KCNMA1: variants seen among roughly 807,000 people sequenced by gnomAD.
The protein encoded by KCNMA1 is Calcium-activated potassium channel subunit alpha-1.
KCNMA1 carries 29 observed loss-of-function variants against 140.0 expected under a neutral mutation model. The observed-to-expected ratio is 0.21, with a 90% CI of 0.15 to 0.28. The LOEUF (loss-of-function observed/expected upper bound fraction) is 0.28, where lower values mean the gene tolerates loss of function less well. Ranked by LOEUF, KCNMA1 falls within the 10% of genes least tolerant of loss-of-function variation. The pLI is 1.00. For synonymous variants in KCNMA1, 612 were observed against 611.9 expected, an observed-to-expected ratio of 1.00 and a Z score of 0.00; for missense variants, 880 against 1,602.2, an observed-to-expected ratio of 0.55 and a Z score of 7.70.
At chr10:77,109,927 G>A (rs2097283061) in intron 8 of KCNMA1, among the ~76,000 whole-genome samples, 1 of 152,150 alleles carries the variant, frequency 6.6e-6, no homozygotes, top group East Asian at 1.9e-4. Context: ...AAGACAATTA[G>A]GTTTGCTCCT....
intron 1 of KCNMA1, among the ~76,000 whole-genome samples, chr10:77,510,294 A>G (rs564536285): frequency 2.6e-4 from 39 of 152,100 alleles, no homozygotes; most frequent in Non-Finnish European, 3.7e-4. Flanking sequence ...ACAAATAAGG[A>G]TCCCTATTCA....
chr10:77,432,099 C>G (rs1436823410), intron 1 of KCNMA1, among the ~76,000 whole-genome samples: 1 of 152,196 alleles, frequency 6.6e-6, no homozygotes, highest in Non-Finnish European at 1.5e-5. Context: ...TCCAGGCTCC[C>G]AGAGCCACAG....
chr10:77,197,827 G>C (rs1055278468), intron 3 of KCNMA1, among the ~76,000 whole-genome samples: 2 of 152,136 alleles, frequency 1.3e-5, no homozygotes, highest in Non-Finnish European at 2.9e-5. Context: ...GCGGCTCCTG[G>C]GTAAGAGTCG....
intron 1 of KCNMA1, among the ~76,000 whole-genome samples, chr10:77,580,921 A>G (rs548129093): frequency 6.6e-6 from 1 of 152,346 alleles, no homozygotes; most frequent in Non-Finnish European, 1.5e-5. Context: ...CTTCACAACA[A>G]GCCTATGGGA....
chr10:77,121,997 AGCACCGCCACGTGCCAAAG>A (rs2097611674), intron 5 of KCNMA1, among the ~76,000 whole-genome samples: 1 of 152,240 alleles, frequency 6.6e-6, no homozygotes, highest in Non-Finnish European at 1.5e-5. Context: ...CATTTTATTA[AGCACCGCCACGTGCCAAAG>A]GCAGTGCGAA....
intron 5 of KCNMA1, among the ~76,000 whole-genome samples, chr10:77,144,184 G>T (rs2098242515): frequency 6.6e-6 from 1 of 152,044 alleles, no homozygotes; most frequent in Admixed American, 6.5e-5. Context: ...CCATCAACAG[G>T]GTGGTTTGAT....
chr10:77,177,795 C>T (rs1301534284), intron 5 of KCNMA1, among the ~76,000 whole-genome samples: 1 of 152,172 alleles, frequency 6.6e-6, no homozygotes, highest in Non-Finnish European at 1.5e-5. Context: ...ATGGCCTTTA[C>T]AGCCTGTACC....
intron 1 of KCNMA1, among the ~76,000 whole-genome samples, chr10:77,421,056 G>T (rs1020237698): frequency 6.6e-6 from 1 of 152,222 alleles, no homozygotes; most frequent in African/African-American, 2.4e-5. Context: ...CGTCGAAGAT[G>T]CTCTGGCACA....
intron 17 of KCNMA1, among the ~76,000 whole-genome samples, chr10:77,014,817 G>A: frequency 6.6e-6 from 1 of 152,208 alleles, no homozygotes; most frequent in East Asian, 1.9e-4. Context: ...CCTCTGCCAA[G>A]TGGCATTTCT....
intron 9 of KCNMA1, among the ~76,000 whole-genome samples, chr10:77,107,286 C>T (rs1469347627): frequency 6.6e-6 from 1 of 152,190 alleles, no homozygotes; most frequent in Non-Finnish European, 1.5e-5. Context: ...ATGATAGGAA[C>T]GTCCATGACT....
intron 3 of KCNMA1, among the ~76,000 whole-genome samples, chr10:77,234,377 T>C (rs1015140955): frequency 6.6e-6 from 1 of 152,232 alleles, no homozygotes; most frequent in Non-Finnish European, 1.5e-5. Flanking sequence ...GAATTTATCT[T>C]ATTTACTTGT....
intron 1 of KCNMA1, among the ~76,000 whole-genome samples, chr10:77,501,205 G>A (rs912923591): frequency 6.6e-6 from 1 of 152,208 alleles, no homozygotes; most frequent in African/African-American, 2.4e-5. Flanking sequence ...AAGAAGAATA[G>A]TGCCTCCTCT....
chr10:77,225,765 G>A (rs996468238), intron 3 of KCNMA1, among the ~76,000 whole-genome samples: 3 of 152,200 alleles, frequency 2.0e-5, no homozygotes, highest in Middle Eastern at 3.2e-3. Context: ...GGCCATGGAG[G>A]CCACATGCCG....
At chr10:77,379,039 A>G (rs2154426700) in intron 2 of KCNMA1, among the ~76,000 whole-genome samples, 1 of 152,316 alleles carries the variant, frequency 6.6e-6, no homozygotes, top group African/African-American at 2.4e-5. Context: ...TCTGGTTTCT[A>G]GAAGTTCTTG....
chr10:77,144,560 G>T (rs973994930), intron 5 of KCNMA1, among the ~76,000 whole-genome samples: 1 of 152,124 alleles, frequency 6.6e-6, no homozygotes, highest in Non-Finnish European at 1.5e-5. Context: ...GCACCCTCAG[G>T]ATCTATGCAT....
At chr10:77,572,569 C>CATATATATATATAT (rs56706119) in intron 1 of KCNMA1, among the ~76,000 whole-genome samples, 432 of 37,500 alleles carry the variant, frequency 0.012, 22 homozygotes, top group Middle Eastern at 0.016. Flanking sequence ...AAAAAAAATC[C>CATATATATATATAT]ATATATATAT....
At chr10:77,057,535 C>T (rs1029862481) in intron 14 of KCNMA1, among the ~76,000 whole-genome samples, 1 of 151,804 alleles carries the variant, frequency 6.6e-6, no homozygotes, top group Non-Finnish European at 1.5e-5. Flanking sequence ...TAGATAAAAG[C>T]AAAAATTATA....
At chr10:77,292,632 T>G (rs555514072) in intron 2 of KCNMA1, among the ~76,000 whole-genome samples, 1 of 152,324 alleles carries the variant, frequency 6.6e-6, no homozygotes, top group South Asian at 2.1e-4. Context: ...CTTTTTGTCC[T>G]TCCAGGCCCC....
chr10:77,540,067 T>G (rs1232715700), intron 1 of KCNMA1, among the ~76,000 whole-genome samples: 1 of 152,122 alleles, frequency 6.6e-6, no homozygotes, highest in Non-Finnish European at 1.5e-5. Context: ...CCTTGGAGCA[T>G]CCCCCTAATT....
Sources: gnomAD v4.1 joint callset for allele counts (sites outside exome capture counted in the v4.1 genomes callset) on GRCh38, gnomAD v4.1.1 for gene constraint, MANE v1.5 for transcripts, NCBI Gene and HGNC (gene_info 2026-07-23, HGNC 2026-07-21) for gene names.